Variants in UPK1A observed in about 807,000 individuals in gnomAD.
The protein encoded by UPK1A is uroplakin 1A.
In UPK1A, 31 loss-of-function variants were observed where a neutral mutation model predicts 32.3. The ratio of observed to expected loss-of-function variants is 0.96; its 90% CI spans 0.72 to 1.30. The LOEUF (loss-of-function observed/expected upper bound fraction) is 1.30, where lower values mean the gene tolerates loss of function less well. Among genes scored for constraint, UPK1A ranks in the 50% most tolerant of loss-of-function variants. The pLI, the probability that UPK1A is intolerant of heterozygous loss-of-function variation, is 0.00. For synonymous variants in UPK1A, 135 were observed against 137.1 expected (o/e 0.98, Z 0.11); for missense variants, 340 against 357.4 (o/e 0.95, Z 0.39).
At chr19:35,668,906 A>G (rs116744270) in intron 3 of UPK1A, among the ~76,000 whole-genome samples, 8,743 of 149,678 alleles carry the variant, frequency 0.058, 316 homozygotes, top group African/African-American at 0.1. Context: ...CTGGTCTCAA[A>G]CTCCTGGCTC....
chr19:35,673,410 G>A (rs368113801), intron 4 of UPK1A, 28 bp from the exon 5 acceptor site: 2 of 1,612,290 alleles, frequency 1.2e-6, no homozygotes, highest in South Asian at 2.2e-5. Context: ...CAGCCCTGCC[G>A]GCCCTTGTTC....
At chr19:35,668,389 T>C in intron 2 of UPK1A, 65 bp from the exon 3 acceptor site, 4 of 1,596,888 alleles carry the variant, frequency 2.5e-6, no homozygotes, top group Non-Finnish European at 3.4e-6. Flanking sequence ...AACTTGCTCG[T>C]GGAGATGCCT....
Position 35,673,311 on chromosome 19 carries a change from G to A in UPK1A, c.360+5G>A. 1 of 1,613,994 alleles carries A rather than the reference G, an allele frequency of 6.2e-7. No individual in the cohort carries two copies. The highest frequency in any genetic ancestry group is 1.1e-5 in the South Asian group (1 of 91,084). ...TCCTACACCCACCGTGACTACGTGA[G>A]CCCGGCGAGGCCTGGGGAGGGGCCT... is the stretch of plus-strand genomic sequence containing the variant. On this transcript the variant is annotated splice_donor_5th_base_variant and intron_variant, in intron 4 of 7. Coordinates refer to ENST00000617999, the Ensembl canonical transcript of UPK1A.
rs1350512594 is a variant in UPK1A at position 35,675,057 on chromosome 19, A to AAAG, written c.469-774_469-772dup. Among the ~76,000 whole-genome samples, 81 of 149,196 alleles carry AAAG rather than the reference A, an allele frequency of 5.4e-4. 2 individuals are homozygous for AAAG. Among genetic ancestry groups the AAAG allele is most frequent in the Non-Finnish European group, 7.2e-4 (49 of 67,676 alleles). On this transcript the variant is annotated intron_variant, in intron 5 of 7. Coordinates refer to ENST00000617999, the Ensembl canonical transcript of UPK1A. The stretch of plus-strand genomic sequence containing the variant: ...ACTCCGTCTCAAAAAAAAAAAAAAA[A>AAAG]AAGAAGAAGAAATTGAGGACTCAAG...
intron 5 of UPK1A, 64 bp downstream of exon 5, chr19:35,673,609 C>T: frequency 7.0e-7 from 1 of 1,433,512 alleles, no homozygotes; most frequent in South Asian, 1.2e-5. Context: ...CGATAGAGCT[C>T]CCGATGTGCC....
chr19:35,677,094 C>T (rs79861300), intron 6 of UPK1A, among the ~76,000 whole-genome samples: 14,559 of 151,698 alleles, frequency 0.096, 804 homozygotes, highest in Non-Finnish European at 0.11. Context: ...CGTGGTGGTG[C>T]GCGCCTGTAA....
chr19:35,675,895 T>C, exon 6 of UPK1A: 2 of 1,614,014 alleles, frequency 1.2e-6, no homozygotes, highest in Non-Finnish European at 1.7e-6. Context: ...ACGTCAGCCT[T>C]CCGGGCGGCC....
At chr19:35,677,705 C>G in intron 6 of UPK1A, 107 bp from the exon 7 acceptor site, 1 of 1,401,286 alleles carries the variant, frequency 7.1e-7, no homozygotes, top group Non-Finnish European at 9.9e-7. Context: ...GTGAGAAAAC[C>G]AATGCTCAGG....
chr19:35,667,214 T>G (rs969449370), intron 2 of UPK1A, among the ~76,000 whole-genome samples: 1 of 152,174 alleles, frequency 6.6e-6, no homozygotes, highest in Non-Finnish European at 1.5e-5. Context: ...TCAGCATCAC[T>G]ATGGATATAA....
exon 8 of UPK1A, chr19:35,678,142 T>A: frequency 8.1e-7 from 1 of 1,229,460 alleles, no homozygotes. Flanking sequence ...CCTTACGTCC[T>A]TCCACTTCCA....
intron 3 of UPK1A, among the ~76,000 whole-genome samples, chr19:35,671,866 A>T (rs1367999577): frequency 1.3e-5 from 2 of 152,092 alleles, no homozygotes; most frequent in African/African-American, 4.8e-5. Flanking sequence ...AGACTGCCCG[A>T]CATTGTCTCC....
At chr19:35,672,015 G>T (rs950610669) in intron 3 of UPK1A, among the ~76,000 whole-genome samples, 1 of 152,192 alleles carries the variant, frequency 6.6e-6, no homozygotes, top group Admixed American at 6.6e-5. Context: ...AGGAGGTTGT[G>T]CAATGTCATC....
chr19:35,677,494 G>A (rs536333642), intron 6 of UPK1A, among the ~76,000 whole-genome samples: 14 of 151,522 alleles, frequency 9.2e-5, no homozygotes, highest in Non-Finnish European at 2.1e-4. Flanking sequence ...CCACTGCACT[G>A]TAGCCTGGGT....
At chr19:35,673,283 A>G (rs1442627487) in exon 4 of UPK1A, 2 of 1,613,548 alleles carry the variant, frequency 1.2e-6, no homozygotes, top group Non-Finnish European at 1.7e-6. Flanking sequence ...CTCCTGCATC[A>G]CGTCCTACAC....
rs1968177391 is a variant in UPK1A at position 35,676,094 on chromosome 19, C to G, written c.648+75C>G. 9 of 1,458,766 alleles carry G rather than the reference C, an allele frequency of 6.2e-6. No individual in the cohort carries two copies. The South Asian group carries it at 1.1e-4, about 17-fold the overall frequency. The allele number at this position is 1,458,766 out of a possible 1,614,324, so 90.4% of individuals were successfully genotyped here. A position where few individuals can be genotyped will look rare whatever the true frequency, so the allele number is the denominator to read the frequency against. On this transcript the variant is annotated intron_variant, in intron 6 of 7. Transcript: ENST00000617999. ...TCTGGTCTCTGCTCCCTCTCTGATT[C>G]TCTCTTTCTCCCTCCCTGTGTCTGT...
intron 2 of UPK1A, chr19:35,668,247 G>T (rs748264224): frequency 1.6e-6 from 1 of 630,794 alleles, no homozygotes. Context: ...TGGCAGCTGG[G>T]GCGTGGGGGT....
exon 7 of UPK1A, chr19:35,677,873 G>C: frequency 6.2e-7 from 1 of 1,612,148 alleles, no homozygotes; most frequent in African/African-American, 1.3e-5. Context: ...TCGTGGTTTG[G>C]GTTTGCCATC....
chr19:35,666,752 T>C (rs1968002999), intron 1 of UPK1A, 57 bp from the exon 2 acceptor site: 1 of 1,562,142 alleles, frequency 6.4e-7, no homozygotes, highest in Non-Finnish European at 8.8e-7. Context: ...GGCTCAGAGA[T>C]GGGGGGTCCG....
chr19:35,670,424 C>T (rs1968070378), intron 3 of UPK1A, among the ~76,000 whole-genome samples: 2 of 113,154 alleles, frequency 1.8e-5, no homozygotes, highest in South Asian at 3.8e-4. Flanking sequence ...TTCCTTCCTT[C>T]GTTTTTCTAC....
Sources: allele counts gnomAD v4.1 joint callset (sites outside exome capture counted in the v4.1 genomes callset), GRCh38; gene constraint gnomAD v4.1.1; transcripts MANE v1.5; gene names NCBI Gene and HGNC (gene_info 2026-07-23, HGNC 2026-07-21).